Variants in TIPARP observed in about 807,000 individuals in gnomAD.
The protein encoded by TIPARP is TCDD inducible poly(ADP-ribose) polymerase.
Under a neutral mutation model 56.5 loss-of-function variants are expected in TIPARP, and 12 were observed. That is an observed-to-expected ratio of 0.21 (90% CI 0.14 to 0.34). TIPARP has a LOEUF of 0.34. TIPARP is among the 10% of genes least tolerant of loss of function. The pLI, the probability that TIPARP is intolerant of heterozygous loss-of-function variation, is 1.00. For synonymous variants in TIPARP, 296 were observed against 265.7 expected, an observed-to-expected ratio of 1.11 and a Z score of -1.11; for missense variants, 604 against 781.6, an observed-to-expected ratio of 0.77 and a Z score of 2.71.
intron 2 of TIPARP, among the ~76,000 whole-genome samples, chr3:156,679,322 A>T (rs1297342701): frequency 2.0e-5 from 3 of 152,220 alleles, no homozygotes; most frequent in Non-Finnish European, 4.4e-5. Context: ...GTGTGTATAC[A>T]CATAACTCAG....
intron 1 of TIPARP, 60 bp from the exon 2 acceptor site, chr3:156,677,597 A>G: frequency 8.7e-7 from 1 of 1,146,496 alleles, no homozygotes; most frequent in Non-Finnish European, 1.2e-6. Flanking sequence ...ATTTTAATGA[A>G]TGAATGAAAT....
intron 5 of TIPARP, among the ~76,000 whole-genome samples, chr3:156,704,012 CAAAA>C (rs11452301): frequency 1.6e-5 from 2 of 122,206 alleles, no homozygotes; most frequent in South Asian, 2.8e-4. Flanking sequence ...GACTCCGTCT[CAAAA>C]AAAAAAAAAA....
In TIPARP at chr3:156,678,240, C is replaced by A; in HGVS notation, c.543C>A (p.Val181=). 6.2e-7 allele frequency: 1 copy of A among 1,614,098 alleles called. No homozygotes were observed. Among genetic ancestry groups the A allele is most frequent in the Non-Finnish European group, 8.5e-7 (1 of 1,180,032 alleles). ...VPTSPDCLDK[V]IDYVPGIFQE... Reference sequence around the variant, plus strand: ...CTAGTCCTGACTGCTTAGACAAAGTCATAGATTATGTTCCAGGCATTTTCC... The same window carrying A: ...CTAGTCCTGACTGCTTAGACAAAGTAATAGATTATGTTCCAGGCATTTTCC... The change falls in exon 2 of 6, where the codon GTC becomes GTA. Residue 181 remains valine, a synonymous_variant. Coordinates refer to ENST00000295924, the MANE Select transcript of TIPARP (RefSeq NM_015508.5).
At chr3:156,701,016 A>T (rs1346749026) in intron 4 of TIPARP, among the ~76,000 whole-genome samples, 1 of 152,224 alleles carries the variant, frequency 6.6e-6, no homozygotes, top group African/African-American at 2.4e-5. Context: ...CGCTTGAAAC[A>T]TATTTTTTTA....
At chr3:156,689,175 T>A (rs1181971194) in intron 2 of TIPARP, among the ~76,000 whole-genome samples, 1 of 152,188 alleles carries the variant, frequency 6.6e-6, no homozygotes, top group African/African-American at 2.4e-5. Flanking sequence ...GTTTTATTTC[T>A]ATCACCTTCC....
At chr3:156,697,823 G>T (rs904022885) in intron 4 of TIPARP, among the ~76,000 whole-genome samples, 21 of 152,288 alleles carry the variant, frequency 1.4e-4, no homozygotes, top group African/African-American at 5.1e-4. Context: ...TCAAGTGAAA[G>T]GAAGAGTTAC....
chr3:156,688,485 C>CCA (rs1298952963), intron 2 of TIPARP, among the ~76,000 whole-genome samples: 1 of 148,396 alleles, frequency 6.7e-6, no homozygotes, highest in Admixed American at 6.7e-5. Context: ...TATTGCCGCC[C>CCA]CCCCCCGCAA....
At chr3:156,677,543 T>C in intron 1 of TIPARP, 114 bp from the exon 2 acceptor site, 1 of 693,002 alleles carries the variant, frequency 1.4e-6, no homozygotes, top group Non-Finnish European at 2.3e-6. Context: ...AAATATAGTA[T>C]AAGAGGAATG....
chr3:156,701,714 A>G (rs1722847812), intron 4 of TIPARP, among the ~76,000 whole-genome samples: 3 of 152,188 alleles, frequency 2.0e-5, no homozygotes, highest in South Asian at 2.1e-4. Context: ...TGAGGATCCA[A>G]AGGAATCTGT....
chr3:156,682,904 A>T (rs578007179), intron 2 of TIPARP, among the ~76,000 whole-genome samples: 1 of 152,204 alleles, frequency 6.6e-6, no homozygotes, highest in African/African-American at 2.4e-5. Flanking sequence ...AAGCAATCCA[A>T]TGAATTATTT....
intron 2 of TIPARP, among the ~76,000 whole-genome samples, chr3:156,693,659 A>T (rs1410464165): frequency 6.6e-6 from 1 of 152,206 alleles, no homozygotes; most frequent in African/African-American, 2.4e-5. Flanking sequence ...GTCTATGTTT[A>T]GTTTCTACAT....
rs1722181778 is a variant in TIPARP at position 156,677,780 on chromosome 3, G to A, written c.83G>A (p.Arg28Lys). Residue 28 changes from arginine to lysine, a missense_variant, in exon 2 of 6, where the codon AGA (arginine) becomes AAA (lysine). Coordinates refer to ENST00000295924, the MANE Select transcript of TIPARP (RefSeq NM_015508.5). ...SPPDDFSCQM[R>K]LSEKITPLKT... is the part of the protein sequence containing the mutation. ...CCTGATGACTTTTCATGCCAAATGA[G>A]ACTCTCTGAGAAGATCACTCCATTG... 1.2e-6 allele frequency: 2 copies of A among 1,614,110 alleles called. No homozygotes were observed. Among genetic ancestry groups the A allele is most frequent in the Admixed American group, 3.3e-5 (2 of 60,010 alleles).
chr3:156,697,877 A>C (rs1187973766), intron 4 of TIPARP, among the ~76,000 whole-genome samples: 1 of 152,182 alleles, frequency 6.6e-6, no homozygotes, highest in Non-Finnish European at 1.5e-5. Flanking sequence ...CTTAGTGGGG[A>C]AGGCATGTTG....
At chr3:156,677,540 G>T (rs345986) in intron 1 of TIPARP, 117 bp from the exon 2 acceptor site, 250,927 of 669,826 alleles carry the variant, frequency 0.37, 49,501 homozygotes, top group South Asian at 0.42. Context: ...ACTAAATATA[G>T]TATAAGAGGA....
chr3:156,677,524 G>T lies in TIPARP; in HGVS notation c.-41-133G>T, dbSNP rs1240726019. The T allele has an allele frequency of 3.4e-5, 21 of 613,818 alleles. 1 individual carries two copies. In the East Asian group the frequency reaches 6.1e-4, roughly 18 times the overall value. The allele number at this position is 613,818 out of a possible 1,614,324, so 38.0% of individuals were successfully genotyped here. On this transcript the variant is annotated intron_variant, in intron 1 of 5. Transcript: ENST00000295924. ...TCTCGATAAAATTTAAAATTGACTTGTAAAAACTAAATATAGTATAAGAGG... is the reference window on the plus strand; with the variant it reads ...TCTCGATAAAATTTAAAATTGACTTTTAAAAACTAAATATAGTATAAGAGG...
chr3:156,693,671 T>A (rs1023308697), intron 2 of TIPARP, among the ~76,000 whole-genome samples: 1 of 152,224 alleles, frequency 6.6e-6, no homozygotes, highest in Non-Finnish European at 1.5e-5. Flanking sequence ...TTTCTACATA[T>A]AGCATCATAG....
At chr3:156,678,895 G>T (rs1184044326) in intron 2 of TIPARP, among the ~76,000 whole-genome samples, 2 of 152,184 alleles carry the variant, frequency 1.3e-5, no homozygotes, top group Non-Finnish European at 2.9e-5. Flanking sequence ...ATCAAATACT[G>T]TTTTAATCAC....
At chr3:156,704,360 C>T (rs958058286) in intron 5 of TIPARP, among the ~76,000 whole-genome samples, 1 of 152,128 alleles carries the variant, frequency 6.6e-6, no homozygotes, top group Non-Finnish European at 1.5e-5. Flanking sequence ...GGAGGGAATA[C>T]ATTTAGATTT....
chr3:156,704,517 T>C (rs566756361), intron 5 of TIPARP, among the ~76,000 whole-genome samples, 167 bp from the exon 6 acceptor site: 33 of 152,320 alleles, frequency 2.2e-4, no homozygotes, highest in African/African-American at 7.9e-4. Flanking sequence ...GAAAAGGCCT[T>C]TTCTACAGTG....
Sources: gnomAD v4.1 joint callset for allele counts (sites outside exome capture counted in the v4.1 genomes callset) on GRCh38, gnomAD v4.1.1 for gene constraint, MANE v1.5 for transcripts, NCBI Gene and HGNC (gene_info 2026-07-23, HGNC 2026-07-21) for gene names.